The following SYT9 variants were observed in gnomAD, a reference collection of about 807,000 sequenced individuals.
The protein encoded by SYT9 is synaptotagmin-9.
SYT9 carries 22 observed loss-of-function variants against 48.4 expected under a neutral mutation model. That is an observed-to-expected ratio of 0.45 (90% CI 0.32 to 0.65). The LOEUF (loss-of-function observed/expected upper bound fraction) is 0.65. Ranked by LOEUF, SYT9 falls within the 30% of genes least tolerant of loss-of-function variation. The probability of loss-of-function intolerance (pLI) is 0.03; values close to 1 mark genes in which losing one functional copy is unlikely to be tolerated. For missense variants in SYT9, 577 were observed against 622.0 expected (o/e 0.93, Z 0.77); for synonymous variants, 265 against 245.0 (o/e 1.08, Z -0.76).
intron 1 of SYT9, among the ~76,000 whole-genome samples, chr11:7,273,702 T>G (rs954439162): frequency 6.6e-6 from 1 of 152,168 alleles, no homozygotes; most frequent in Non-Finnish European, 1.5e-5. Flanking sequence ...TCTCCAGTAT[T>G]AGAGAGGTCT....
intron 6 of SYT9, among the ~76,000 whole-genome samples, chr11:7,421,632 CTACT>C (rs1322814247): frequency 6.6e-6 from 1 of 152,168 alleles, no homozygotes; most frequent in African/African-American, 2.4e-5. Flanking sequence ...CATTCTTCCC[CTACT>C]TATCTTTGCT....
At chr11:7,449,010 A>T (rs1444279189) in intron 6 of SYT9, among the ~76,000 whole-genome samples, 1 of 152,032 alleles carries the variant, frequency 6.6e-6, no homozygotes, top group Non-Finnish European at 1.5e-5. Flanking sequence ...AGAAGCCAAG[A>T]CTCAGAGGGT....
At chr11:7,357,838 T>C in intron 3 of SYT9, among the ~76,000 whole-genome samples, 1 of 152,140 alleles carries the variant, frequency 6.6e-6, no homozygotes, top group East Asian at 1.9e-4. Flanking sequence ...AAAAACTGCA[T>C]TGCATTTATA....
chr11:7,458,810 A>G (rs1314049046), intron 6 of SYT9, among the ~76,000 whole-genome samples: 1 of 152,218 alleles, frequency 6.6e-6, no homozygotes, highest in Admixed American at 6.5e-5. Context: ...GGCAGAGCTC[A>G]GGTAACTGGA....
At chr11:7,414,445 G>T (rs896236495) in intron 3 of SYT9, among the ~76,000 whole-genome samples, 6 of 152,196 alleles carry the variant, frequency 3.9e-5, no homozygotes, top group African/African-American at 1.4e-4. Flanking sequence ...CAGGAGGCTG[G>T]GTCAATCCTT....
chr11:7,308,281 T>C (rs1373881743), intron 2 of SYT9, among the ~76,000 whole-genome samples: 1 of 152,224 alleles, frequency 6.6e-6, no homozygotes, highest in East Asian at 1.9e-4. Context: ...TCCTGAAGCC[T>C]TGTAGACACT....
At chr11:7,422,900 T>C (rs1847381627) in intron 6 of SYT9, among the ~76,000 whole-genome samples, 1 of 152,236 alleles carries the variant, frequency 6.6e-6, no homozygotes, top group Non-Finnish European at 1.5e-5. Context: ...TATAAATTCA[T>C]TCACCTGAGA....
chr11:7,464,299 A>G (rs1848290727), intron 6 of SYT9, among the ~76,000 whole-genome samples: 1 of 152,164 alleles, frequency 6.6e-6, no homozygotes, highest in South Asian at 2.1e-4. Context: ...AGGGTTCTTA[A>G]AGGAAGCTCA....
rs1433071025 is a variant in SYT9, at chr11:7,287,488, C to T, written c.146-15551C>T. Among the ~76,000 whole-genome samples, 4 of 152,316 alleles carry T rather than the reference C, an allele frequency of 2.6e-5. No individual in the cohort carries two copies. In the East Asian group the frequency reaches 5.8e-4, roughly 22 times the overall value. On this transcript the variant is annotated intron_variant, in intron 1 of 6. Coordinates refer to ENST00000318881, the MANE Select transcript of SYT9 (RefSeq NM_175733.4). ...GTGAAAAGTTCAGAACCCTGACCAACATCAGTCTCAGCAATGTCTACTTCT... is the reference window on the plus strand; with the variant it reads ...GTGAAAAGTTCAGAACCCTGACCAATATCAGTCTCAGCAATGTCTACTTCT...
intron 1 of SYT9, among the ~76,000 whole-genome samples, chr11:7,291,279 A>T (rs755194006): frequency 6.6e-6 from 1 of 152,212 alleles, no homozygotes; most frequent in Non-Finnish European, 1.5e-5. Context: ...TGGAACTTCC[A>T]TAGTTCCCTA....
chr11:7,286,108 G>C (rs1285529127), intron 1 of SYT9, among the ~76,000 whole-genome samples: 1 of 152,192 alleles, frequency 6.6e-6, no homozygotes, highest in Non-Finnish European at 1.5e-5. Flanking sequence ...GTGTCCCAGT[G>C]GGGACTCTGT....
intron 3 of SYT9, among the ~76,000 whole-genome samples, chr11:7,385,337 GCT>G (rs1477662044): frequency 1.5e-5 from 2 of 131,396 alleles, no homozygotes; most frequent in African/African-American, 5.7e-5. Flanking sequence ...GTTTTTGTTT[GCT>G]CTGTGTGTGT....
intron 3 of SYT9, among the ~76,000 whole-genome samples, chr11:7,353,469 A>G (rs1402060097): frequency 6.6e-6 from 1 of 152,164 alleles, no homozygotes; most frequent in African/African-American, 2.4e-5. Flanking sequence ...TTTTCCTAGC[A>G]CCTAGATGGC....
At chr11:7,260,445 A>C (rs1848057787) in intron 1 of SYT9, among the ~76,000 whole-genome samples, 1 of 152,176 alleles carries the variant, frequency 6.6e-6, no homozygotes, top group African/African-American at 2.4e-5. Context: ...GTGTGTTGGC[A>C]ATGTTGAGAG....
intron 6 of SYT9, among the ~76,000 whole-genome samples, chr11:7,444,894 G>A (rs893564043): frequency 1.7e-4 from 26 of 152,222 alleles, no homozygotes; most frequent in African/African-American, 6.3e-4. Flanking sequence ...GAGCTTCCAG[G>A]AGAGTCTTCC....
intron 6 of SYT9, among the ~76,000 whole-genome samples, chr11:7,422,626 G>A (rs1847376110): frequency 6.6e-6 from 1 of 152,222 alleles, no homozygotes; most frequent in Non-Finnish European, 1.5e-5. Context: ...GTAATTAGGA[G>A]TATCAGAGAG....
intron 3 of SYT9, among the ~76,000 whole-genome samples, chr11:7,411,041 G>T (rs1312165760): frequency 2.0e-5 from 3 of 152,136 alleles, no homozygotes; most frequent in Non-Finnish European, 4.4e-5. Flanking sequence ...TTTTAGGAAA[G>T]ACGGGGTTTC....
intron 6 of SYT9, chr11:7,441,697 GA>G (rs1847832507): frequency 6.6e-6 from 1 of 152,118 alleles, no homozygotes; most frequent in African/African-American, 2.4e-5. Context: ...GTAGCCACAG[GA>G]AAACGCACTT....
At chr11:7,447,124 G>A (rs2134142549) in intron 6 of SYT9, among the ~76,000 whole-genome samples, 1 of 152,336 alleles carries the variant, frequency 6.6e-6, no homozygotes, top group Middle Eastern at 3.4e-3. Flanking sequence ...TTCGGGGTCT[G>A]ATCAATCTTG....
Sources: allele counts gnomAD v4.1 joint callset (sites outside exome capture counted in the v4.1 genomes callset), GRCh38; gene constraint gnomAD v4.1.1; transcripts MANE v1.5; gene names NCBI Gene and HGNC (gene_info 2026-07-23, HGNC 2026-07-21).